The following DLG2 variants were observed in gnomAD, a reference collection of about 807,000 sequenced individuals.
DLG2 encodes the protein disks large homolog 2.
DLG2 carries 45 observed loss-of-function variants against 132.5 expected under a neutral mutation model. That is an observed-to-expected ratio of 0.34 (90% CI 0.27 to 0.44). The LOEUF (loss-of-function observed/expected upper bound fraction) is 0.44, where lower values mean the gene tolerates loss of function less well. Among genes scored for constraint, DLG2 ranks in the 20% least tolerant of loss-of-function variants. The pLI, the probability that DLG2 is intolerant of heterozygous loss-of-function variation, is 1.00. For synonymous variants in DLG2, 424 were observed against 419.6 expected, an observed-to-expected ratio of 1.01 and a Z score of -0.13; for missense variants, 1,045 against 1,196.9, an observed-to-expected ratio of 0.87 and a Z score of 1.87.
chr11:84,040,560 GT>G (rs938170118), intron 11 of DLG2, among the ~76,000 whole-genome samples: 4 of 152,028 alleles, frequency 2.6e-5, no homozygotes, highest in African/African-American at 7.2e-5. Flanking sequence ...TGAGGGCTCT[GT>G]TCTGTTCCAT....
chr11:85,210,988 C>T (rs536267525), intron 4 of DLG2, among the ~76,000 whole-genome samples: 1 of 152,120 alleles, frequency 6.6e-6, no homozygotes, highest in South Asian at 2.1e-4. Flanking sequence ...CTAATTCTGT[C>T]TTGGTGTTTG....
chr11:84,799,074 C>T (rs886351209), intron 6 of DLG2, among the ~76,000 whole-genome samples: 2 of 152,198 alleles, frequency 1.3e-5, no homozygotes, highest in East Asian at 1.9e-4. Context: ...TCTGGTGTCT[C>T]ACTAGGTCAC....
chr11:85,370,870 T>TTA (rs1450918833), intron 3 of DLG2, among the ~76,000 whole-genome samples: 2 of 152,148 alleles, frequency 1.3e-5, no homozygotes, highest in South Asian at 2.1e-4. Flanking sequence ...CTATATATGG[T>TTA]TATATATATA....
At chr11:83,706,940 G>A (rs2084148305) in intron 18 of DLG2, among the ~76,000 whole-genome samples, 1 of 152,172 alleles carries the variant, frequency 6.6e-6, no homozygotes, top group South Asian at 2.1e-4. Context: ...CCCATATGGG[G>A]TCATGATAAC....
intron 18 of DLG2, among the ~76,000 whole-genome samples, chr11:83,719,885 C>A (rs542326559): frequency 6.6e-6 from 1 of 152,274 alleles, no homozygotes; most frequent in East Asian, 1.9e-4. Context: ...CCAGTCTTAG[C>A]CTTTGTTCCC....
At chr11:83,534,938 G>A (rs926658065) in intron 20 of DLG2, among the ~76,000 whole-genome samples, 5 of 152,114 alleles carry the variant, frequency 3.3e-5, no homozygotes, top group African/African-American at 4.8e-5. Context: ...GCGAGACTTC[G>A]TCTCCCCCAA....
At chr11:84,309,955 A>AGT (rs1029907911) in intron 7 of DLG2, among the ~76,000 whole-genome samples, 24 of 152,208 alleles carry the variant, frequency 1.6e-4, no homozygotes, top group African/African-American at 5.8e-4. Context: ...TCTGGTGTTA[A>AGT]GTGCTGTGGG....
intron 4 of DLG2, among the ~76,000 whole-genome samples, chr11:85,189,337 A>C (rs1386225016): frequency 1.3e-5 from 2 of 152,224 alleles, no homozygotes; most frequent in Non-Finnish European, 2.9e-5. Context: ...AAAAACTGGA[A>C]AGAACATTTG....
rs144063026 is a variant in DLG2, at chr11:85,268,159, G to A, written c.186+17061C>T. Reference sequence around the variant, plus strand: ...CTGCTTTTACTGACACGTTCTTCATGCATGTGAAAGGAAAATATCTTGGGC... The same window carrying A: ...CTGCTTTTACTGACACGTTCTTCATACATGTGAAAGGAAAATATCTTGGGC... On this transcript the variant is annotated intron_variant, in intron 4 of 27. Transcript: ENST00000376104. Among the ~76,000 whole-genome samples, 479 of 152,198 alleles carry A rather than the reference G, an allele frequency of 3.1e-3. 2 individuals are homozygous for A. Among genetic ancestry groups the A allele is most frequent in the African/African-American group, 0.011 (462 of 41,538 alleles).
chr11:84,045,609 T>C, intron 11 of DLG2, among the ~76,000 whole-genome samples: 1 of 151,812 alleles, frequency 6.6e-6, no homozygotes, highest in East Asian at 1.9e-4. Context: ...GGAGCTCACG[T>C]GCACAAAATT....
chr11:85,500,699 T>A (rs970977940), intron 3 of DLG2, among the ~76,000 whole-genome samples: 3 of 152,180 alleles, frequency 2.0e-5, no homozygotes, highest in Non-Finnish European at 4.4e-5. Flanking sequence ...TACTTAGGAA[T>A]ACAACTTATA....
intron 10 of DLG2, among the ~76,000 whole-genome samples, chr11:84,059,870 C>G (rs1371704965): frequency 6.6e-6 from 1 of 152,122 alleles, no homozygotes; most frequent in Admixed American, 6.5e-5. Flanking sequence ...CTACCATGAA[C>G]TATATAGACA....
At chr11:84,166,214 C>T (rs564526056) in intron 8 of DLG2, among the ~76,000 whole-genome samples, 1 of 151,754 alleles carries the variant, frequency 6.6e-6, no homozygotes, top group Admixed American at 6.6e-5. Flanking sequence ...CTAAGAATAC[C>T]CCCCCAGGGC....
chr11:84,424,448 TA>T (rs941039858), intron 7 of DLG2, among the ~76,000 whole-genome samples: 22 of 151,560 alleles, frequency 1.5e-4, no homozygotes, highest in Admixed American at 5.3e-4. Flanking sequence ...TATATTCATT[TA>T]AAAAAAAACT....
chr11:84,080,368 C>G (rs2096885477), intron 10 of DLG2, among the ~76,000 whole-genome samples: 1 of 152,192 alleles, frequency 6.6e-6, no homozygotes, highest in Admixed American at 6.6e-5. Context: ...TCCCCACATA[C>G]AAAACAGTGA....
intron 3 of DLG2, among the ~76,000 whole-genome samples, chr11:85,397,375 G>A (rs534534459): frequency 2.6e-4 from 39 of 150,514 alleles, no homozygotes; most frequent in African/African-American, 6.0e-4. Context: ...ATCAATTAAC[G>A]GGCAAAATAA....
intron 11 of DLG2, among the ~76,000 whole-genome samples, chr11:83,983,844 G>A (rs890110240): frequency 1.3e-5 from 2 of 152,004 alleles, no homozygotes; most frequent in African/African-American, 4.8e-5. Context: ...ATCAGCTCAT[G>A]TTTCCCAAAA....
chr11:83,717,646 GA>G (rs1368470233), intron 18 of DLG2, among the ~76,000 whole-genome samples: 6 of 152,200 alleles, frequency 3.9e-5, no homozygotes, highest in Admixed American at 2.0e-4. Context: ...AACACAGGGG[GA>G]AAAAAGTACA....
Position 85,512,679 on chromosome 11 carries a change from A to C in DLG2, c.40+85978T>G, listed in dbSNP as rs938949116. 5.9e-5 allele frequency among the ~76,000 whole-genome samples: 9 copies of C among 152,220 alleles called. No homozygotes were observed. The East Asian group carries it at 1.7e-3, about 29-fold the overall frequency. ...CTTTAGTAACAACTTTTTAATAAAA[A>C]GTCAAAAAATAACAGATGTTGGTGA... On this transcript the variant is annotated intron_variant, in intron 3 of 27. Transcript: ENST00000376104.
Sources: allele counts gnomAD v4.1 joint callset (sites outside exome capture counted in the v4.1 genomes callset), GRCh38; gene constraint gnomAD v4.1.1; transcripts MANE v1.5; gene names NCBI Gene and HGNC (gene_info 2026-07-23, HGNC 2026-07-21).